HSPH1: variants seen among roughly 807,000 people sequenced by gnomAD.
The protein encoded by HSPH1 is heat shock protein family H (Hsp110) member 1.
A neutral mutation model predicts 100.0 loss-of-function variants in HSPH1; 40 were observed. The observed-to-expected ratio is 0.40, with a 90% CI of 0.31 to 0.52. The LOEUF is 0.52. HSPH1 is among the 20% of genes least tolerant of loss of function. The pLI, the probability that HSPH1 is intolerant of heterozygous loss-of-function variation, is 0.54. For missense variants in HSPH1, 876 were observed against 1,015.1 expected, an observed-to-expected ratio of 0.86 and a Z score of 1.86; for synonymous variants, 403 against 344.0, an observed-to-expected ratio of 1.17 and a Z score of -1.90.
rs1480795881 is a variant in HSPH1 at position 31,138,987 on chromosome 13, G to A, written c.2088+13C>T. ...AACACAAGTACCACCTTTTGGGGGA[G>A]AAAACGACCTACCATTAATTCTTCC... On this transcript the variant is annotated intron_variant, in intron 15 of 17. Coordinates refer to ENST00000320027, the MANE Select transcript of HSPH1 (RefSeq NM_006644.4). 5 of 1,601,560 alleles carry A rather than the reference G, an allele frequency of 3.1e-6. No individual in the cohort carries two copies. The East Asian group carries it at 1.1e-4, about 36-fold the overall frequency.
intron 9 of HSPH1, 55 bp from the exon 10 acceptor site, chr13:31,148,147 T>C: frequency 5.3e-6 from 8 of 1,519,284 alleles, no homozygotes; most frequent in Non-Finnish European, 6.3e-6. Flanking sequence ...ATATGCTTAC[T>C]GTGCTACACA....
intron 5 of HSPH1, 192 bp from the exon 6 acceptor site, chr13:31,151,934 G>A (rs1231840145): frequency 1.4e-5 from 8 of 555,020 alleles, no homozygotes; most frequent in Non-Finnish European, 2.2e-5. Flanking sequence ...TCTGATTTCA[G>A]AACAATGCTC....
At chr13:31,153,794 G>A (rs1035890832) in intron 4 of HSPH1, among the ~76,000 whole-genome samples, 3 of 147,592 alleles carry the variant, frequency 2.0e-5, no homozygotes, top group Non-Finnish European at 3.0e-5. Context: ...AGAACACTTC[G>A]TCCATCAGTT....
intron 1 of HSPH1, 48 bp from the exon 2 acceptor site, chr13:31,158,911 T>A: frequency 8.7e-7 from 1 of 1,150,776 alleles, no homozygotes; most frequent in South Asian, 1.2e-5. Context: ...AAGGTTGATA[T>A]TTTAAACTGA....
intron 2 of HSPH1, among the ~76,000 whole-genome samples, chr13:31,156,377 G>A (rs1038950597): frequency 2.7e-5 from 4 of 150,314 alleles, no homozygotes; most frequent in African/African-American, 4.9e-5. Flanking sequence ...GCGACAGAGC[G>A]AGATTCCGTC....
chr13:31,138,074 T>C (rs1955950864), intron 17 of HSPH1, among the ~76,000 whole-genome samples: 1 of 152,098 alleles, frequency 6.6e-6, no homozygotes, highest in Admixed American at 6.6e-5. Flanking sequence ...CACAGGCTTG[T>C]TTACTGTTGG....
At position 31,138,412 on chromosome 13, in the gene HSPH1, T is replaced by C. The variant is rs966881175; in HGVS notation, c.2365A>G (p.Ile789Val). ...CACGAGACAGTAACACTCACCTTGA[T>C]TTTTGTTTTAATTTCCTGAGCACGT... Reference protein sequence around the residue: ...VVRAQEIKTKIKELNNTCEPV... With the variant: ...VVRAQEIKTKVKELNNTCEPV... Residue 789 changes from isoleucine (I) to valine (V), a missense_variant, in exon 17 of 18, where the codon ATC becomes GTC. Physicochemically the swap from Ile to Val is conservative, Grantham distance 29. Coordinates refer to ENST00000320027, the MANE Select transcript of HSPH1 (RefSeq NM_006644.4). 6 of 1,612,688 alleles carry C rather than the reference T, an allele frequency of 3.7e-6. No homozygotes were observed. The Admixed American group carries it at 8.4e-5, about 22-fold the overall frequency.
At chr13:31,147,864 A>T in intron 10 of HSPH1, 95 bp downstream of exon 10, 1 of 1,045,664 alleles carries the variant, frequency 9.6e-7, no homozygotes. Flanking sequence ...TCCCCTCAAC[A>T]TTACTAAGAA....
At chr13:31,158,933 TACTA>T in intron 1 of HSPH1, 70 bp from the exon 2 acceptor site, 1 of 953,570 alleles carries the variant, frequency 1.0e-6, no homozygotes, top group Non-Finnish European at 1.7e-6. Flanking sequence ...AAGAGAAAAA[TACTA>T]ACATAAATGT....
At chr13:31,138,366 G>A (rs367699874) in intron 17 of HSPH1, 41 bp downstream of exon 17, 26 of 1,590,774 alleles carry the variant, frequency 1.6e-5, no homozygotes, top group African/African-American at 6.8e-5. Context: ...ACTTGAGTCC[G>A]TAAGTGAACC....
intron 14 of HSPH1, among the ~76,000 whole-genome samples, chr13:31,139,657 G>A (rs142467616): frequency 3.9e-4 from 59 of 152,078 alleles, no homozygotes; most frequent in African/African-American, 1.3e-3. Flanking sequence ...TAAATGACCC[G>A]TAACTAAATC....
chr13:31,154,617 G>C lies in HSPH1; in HGVS notation c.429+16C>G, dbSNP rs1956612937. The stretch of plus-strand genomic sequence containing the variant: ...AAAATGAAATAAAACACACTGCCTT[G>C]CTGAATTATACTTACTGAAATAACA... On this transcript the variant is annotated intron_variant, in intron 4 of 17. Transcript: ENST00000320027. 1 of 1,613,852 alleles carries C rather than the reference G, an allele frequency of 6.2e-7. No individual in the cohort carries two copies. The highest frequency in any genetic ancestry group is 2.2e-5 in the East Asian group (1 of 44,848).
chr13:31,145,761 A>G lies in HSPH1; in HGVS notation c.1386T>C (p.Phe462=). The G allele has an allele frequency of 6.2e-7, 1 of 1,613,338 alleles. No individual in the cohort carries two copies. Among genetic ancestry groups the G allele is most frequent in the African/African-American group, 1.3e-5 (1 of 74,968 alleles). The change falls in exon 11 of 18, where the codon TTT becomes TTC. Residue 462 remains phenylalanine, a synonymous_variant. Coordinates refer to ENST00000320027, the MANE Select transcript of HSPH1 (RefSeq NM_006644.4). The part of the protein sequence containing the change: ...VPYPEAKIGR[F]VVQNVSAQKD... The stretch of plus-strand genomic sequence containing the variant: ...TCTGTGCAGAAACATTCTGAACTAC[A>G]AAGCGGCCTAGAACAACAACAACAA...
At chr13:31,154,866 T>C in intron 3 of HSPH1, 111 bp from the exon 4 acceptor site, 1 of 898,770 alleles carries the variant, frequency 1.1e-6, no homozygotes, top group Admixed American at 2.9e-5. Context: ...TTTATTTTAT[T>C]GTTGTAGTTG....
Position 31,135,429 on chromosome 13 carries a change from C to T in HSPH1, c.*1889G>A, listed in dbSNP as rs1565989335. Reference sequence around the variant, plus strand: ...TCAGAAAACATAAAAACCAAAGAAACATATTAACTGCATAAAAATTTAAAG... The same window carrying T: ...TCAGAAAACATAAAAACCAAAGAAATATATTAACTGCATAAAAATTTAAAG... On this transcript the variant is annotated 3_prime_UTR_variant, in exon 18 of 18. Coordinates refer to ENST00000320027, the MANE Select transcript of HSPH1 (RefSeq NM_006644.4). 13 of 152,110 alleles carry T rather than the reference C, an allele frequency of 8.5e-5. No individual in the cohort carries two copies. The highest frequency in any genetic ancestry group is 1.5e-5 in the Non-Finnish European group (1 of 68,024). The allele number at this position is 152,110 out of a possible 1,614,324, so 9.4% of individuals were successfully genotyped here.
In HSPH1 at chr13:31,161,774, A is replaced by T. The variant is rs1956927434; in HGVS notation, c.-192T>A. On this transcript the variant is annotated 5_prime_UTR_variant, in exon 1 of 18. Coordinates refer to ENST00000320027, the MANE Select transcript of HSPH1 (RefSeq NM_006644.4). Reference sequence around the variant, plus strand: ...AGGAGCCTCCTACTCCCCCGGGGACAGCGGCGGCTGGCTGATAAGAAACCC... The same window carrying T: ...AGGAGCCTCCTACTCCCCCGGGGACTGCGGCGGCTGGCTGATAAGAAACCC... 1 of 1,504,640 alleles carries T rather than the reference A, an allele frequency of 6.6e-7. No individual in the cohort carries two copies. The highest frequency in any genetic ancestry group is 1.4e-5 in the African/African-American group (1 of 72,040). 93.2% of individuals were successfully genotyped at this position (1,504,640 alleles called of 1,614,324 possible).
At chr13:31,142,649 T>C (rs1025068033) in intron 12 of HSPH1, among the ~76,000 whole-genome samples, 2 of 152,078 alleles carry the variant, frequency 1.3e-5, no homozygotes, top group African/African-American at 4.8e-5. Flanking sequence ...AAAATGGCAT[T>C]TCAACATGGA....
chr13:31,151,644 C>T lies in HSPH1; in HGVS notation c.628G>A (p.Val210Met). 1 of 1,612,834 alleles carries T rather than the reference C, an allele frequency of 6.2e-7. No individual in the cohort carries two copies. ...CCCTTGTTAAAAGCACAAGCAGACA[C>T]TTGAAAAGCTGAATGTCCCATATCA... ...FVDMGHSAFQVSACAFNKGKL... is the reference protein window; with the variant it reads ...FVDMGHSAFQMSACAFNKGKL... Residue 210 changes from valine to methionine, a missense_variant, in exon 6 of 18, where the codon GTG becomes ATG. Physicochemically the swap from Val to Met is conservative, Grantham distance 21. Transcript: ENST00000320027.
intron 14 of HSPH1, among the ~76,000 whole-genome samples, chr13:31,139,894 C>T (rs1186337401): frequency 6.6e-6 from 1 of 151,926 alleles, no homozygotes; most frequent in African/African-American, 2.4e-5. Flanking sequence ...TTTTTAAAAG[C>T]GAAGATTTTT....
Sources: gnomAD v4.1 joint callset for allele counts (sites outside exome capture counted in the v4.1 genomes callset) on GRCh38, gnomAD v4.1.1 for gene constraint, MANE v1.5 for transcripts, NCBI Gene and HGNC (gene_info 2026-07-23, HGNC 2026-07-21) for gene names.